C9orf43: variants seen among roughly 807,000 people sequenced by gnomAD.
C9orf43 encodes the protein chromosome 9 open reading frame 43.
Under a neutral mutation model 59.1 loss-of-function variants are expected in C9orf43, and 45 were observed. The ratio of observed to expected loss-of-function variants is 0.76; its 90% CI spans 0.60 to 0.98. The LOEUF (loss-of-function observed/expected upper bound fraction) is 0.98. Ranked by LOEUF, C9orf43 falls within the 50% of genes least tolerant of loss-of-function variation. C9orf43 has a pLI of 0.00. For synonymous variants in C9orf43, 203 were observed against 196.8 expected (o/e 1.03, Z -0.26); for missense variants, 533 against 554.9 (o/e 0.96, Z 0.40).
intron 4 of C9orf43, chr9:113,420,805 G>A (rs1828533267): frequency 3.0e-6 from 3 of 985,084 alleles, no homozygotes; most frequent in South Asian, 4.7e-5. Flanking sequence ...TAATGTTCCT[G>A]TAGGTAAGCC....
intron 4 of C9orf43, 99 bp from the exon 5 acceptor site, chr9:113,420,999 AAAATC>A: frequency 2.0e-6 from 2 of 999,578 alleles, no homozygotes; most frequent in Non-Finnish European, 1.5e-6. Context: ...TGGGAAACTT[AAAATC>A]ATCTTCTGTG....
Position 113,424,302 on chromosome 9 carries a change from C to A in C9orf43, c.793C>A (p.Arg265Ser), listed in dbSNP as rs148905915. The A allele has an allele frequency of 2.5e-6, 4 of 1,609,062 alleles. No individual in the cohort carries two copies. The highest frequency in any genetic ancestry group is 3.4e-6 in the Non-Finnish European group (4 of 1,178,510). The change falls in exon 8 of 14, where the codon CGC (arginine) becomes AGC (serine). Residue 265 changes from arginine to serine, a missense_variant. Transcript: ENST00000374165. ...ISSKMFLSIH[R>S]LTLERPALRY... Reference sequence around the variant, plus strand: ...TTCTAAGATGTTTCTATCTATACACCGCCTCACCCTGGAAGTAAGAGCTAG... The same window carrying A: ...TTCTAAGATGTTTCTATCTATACACAGCCTCACCCTGGAAGTAAGAGCTAG...
intron 4 of C9orf43, among the ~76,000 whole-genome samples, chr9:113,419,385 T>G (rs1828487507): frequency 6.6e-6 from 1 of 152,192 alleles, no homozygotes. Context: ...GGGATCTATT[T>G]GTATGGGTTT....
intron 1 of C9orf43, among the ~76,000 whole-genome samples, chr9:113,412,746 G>A (rs937998214): frequency 3.3e-5 from 5 of 152,202 alleles, no homozygotes; most frequent in African/African-American, 1.2e-4. Context: ...TTACAGACCT[G>A]AGACACCAAG....
chr9:113,423,083 G>C (rs1226317993), intron 6 of C9orf43, among the ~76,000 whole-genome samples: 1 of 152,158 alleles, frequency 6.6e-6, no homozygotes, highest in Non-Finnish European at 1.5e-5. Flanking sequence ...TGTTCAGTTT[G>C]TTGAGTGAGT....
At position 113,423,436 on chromosome 9, in the gene C9orf43, C is replaced by G. The variant is rs767704452; in HGVS notation, c.594C>G (p.Phe198Leu). Residue 198 changes from phenylalanine to leucine, a missense_variant, in exon 7 of 14, where the codon TTC becomes TTG. Coordinates refer to ENST00000374165, the MANE Select transcript of C9orf43 (RefSeq NM_001278629.2). ...CCCCAGTGCAATTGTCTGAACAATT[C>G]AGTTCAGATTTCCTACCTCTCTGGG... ...PPTPVQLSEQ[F>L]SSDFLPLWAQ... 72 of 1,613,900 alleles carry G rather than the reference C, an allele frequency of 4.5e-5. No homozygotes were observed. The highest frequency in any genetic ancestry group is 7.6e-6 in the Non-Finnish European group (9 of 1,179,906).
In C9orf43 at chr9:113,415,079, G is replaced by A. The variant is rs560429413; in HGVS notation, c.287+1185G>A. Among the ~76,000 whole-genome samples, 134 of 152,174 alleles carry A rather than the reference G, an allele frequency of 8.8e-4. 1 individual carries two copies. Among genetic ancestry groups the A allele is most frequent in the Non-Finnish European group, 7.9e-4 (54 of 67,988 alleles). On this transcript the variant is annotated intron_variant, in intron 3 of 13. Transcript: ENST00000374165. Reference sequence around the variant, plus strand: ...ACTCGTGACCTCAAGTGATCCACCCGCCTCAGCCTCCCAAAGTGCTAGAAT... The same window carrying A: ...ACTCGTGACCTCAAGTGATCCACCCACCTCAGCCTCCCAAAGTGCTAGAAT...
chr9:113,429,185 T>A lies in C9orf43; in HGVS notation c.1185T>A (p.Tyr395Ter). 1 of 1,614,118 alleles carries A rather than the reference T, an allele frequency of 6.2e-7. No individual in the cohort carries two copies. Among genetic ancestry groups the A allele is most frequent in the Non-Finnish European group, 8.5e-7 (1 of 1,179,982 alleles). The change falls in exon 14 of 14, where the codon TAT (tyrosine) becomes TAA (stop). Residue 395 changes from tyrosine to a stop codon, truncating the protein, a stop_gained. Coordinates refer to ENST00000374165, the MANE Select transcript of C9orf43 (RefSeq NM_001278629.2). LOFTEE classifies it low-confidence loss of function (END_TRUNC). The stretch of plus-strand genomic sequence containing the variant: ...ATCTTCTTTTAGGTCCTGAATTGTA[T>A]GAAACAGAACCCACTAACAAGGACA... ...FHHSVKSPEL[Y>*]ETEPTNKDIS...
At position 113,424,326 on chromosome 9, in the gene C9orf43, A is replaced by G; in HGVS notation, c.807+10A>G. On this transcript the variant is annotated intron_variant, in intron 8 of 13. Coordinates refer to ENST00000374165, the MANE Select transcript of C9orf43 (RefSeq NM_001278629.2). ...CCGCCTCACCCTGGAAGTAAGAGCT[A>G]GGAAACAGCAGGGAAGAAGCCTATG... is the stretch of plus-strand genomic sequence containing the variant. The G allele has an allele frequency of 6.3e-7, 1 of 1,596,982 alleles. No homozygotes were observed. Among genetic ancestry groups the G allele is most frequent in the Non-Finnish European group, 8.5e-7 (1 of 1,174,260 alleles).
At chr9:113,411,249 C>T (rs890718080) in intron 1 of C9orf43, 6 of 411,902 alleles carry the variant, frequency 1.5e-5, no homozygotes, top group African/African-American at 8.7e-5. Context: ...TTAAATTGTT[C>T]ATCATACATT....
Position 113,429,343 on chromosome 9 carries a change from C to A in C9orf43, c.1343C>A (p.Thr448Asn). The A allele has an allele frequency of 6.2e-7, 1 of 1,614,174 alleles. No individual in the cohort carries two copies. Among genetic ancestry groups the A allele is most frequent in the East Asian group, 2.2e-5 (1 of 44,878 alleles). The change falls in exon 14 of 14, where the codon ACT (threonine) becomes AAT (asparagine). Residue 448 changes from threonine to asparagine, a missense_variant. Coordinates refer to ENST00000374165, the MANE Select transcript of C9orf43 (RefSeq NM_001278629.2). ...AAACTACTTAGGATTCTTCAGGACA[C>A]TGATGATGAGGATGAGGAGGACCAG... is the stretch of plus-strand genomic sequence containing the variant. The part of the protein sequence containing the change: ...ELKLLRILQD[T>N]DDEDEEDQSS...
chr9:113,411,524 C>T (rs1156874502), intron 1 of C9orf43, among the ~76,000 whole-genome samples: 2 of 152,152 alleles, frequency 1.3e-5, no homozygotes, highest in African/African-American at 4.8e-5. Flanking sequence ...TGGTCTCGAT[C>T]TCCTGACCTC....
chr9:113,425,523 A>G (rs916918103), intron 10 of C9orf43, 103 bp downstream of exon 10: 3 of 1,480,790 alleles, frequency 2.0e-6, no homozygotes, highest in African/African-American at 1.4e-5. Flanking sequence ...CTATCTGGTT[A>G]TAGATAAAAA....
At chr9:113,427,523 A>G (rs1403755227) in intron 11 of C9orf43, among the ~76,000 whole-genome samples, 1 of 152,236 alleles carries the variant, frequency 6.6e-6, no homozygotes, top group Non-Finnish European at 1.5e-5. Flanking sequence ...CCAGCTATTA[A>G]GTCAGAATTT....
intron 12 of C9orf43, 95 bp from the exon 13 acceptor site, chr9:113,428,805 G>C: frequency 1.8e-6 from 2 of 1,093,246 alleles, no homozygotes; most frequent in Admixed American, 3.5e-5. Context: ...GCTCATCTTA[G>C]ATGTTAATTT....
At chr9:113,425,172 C>A in intron 9 of C9orf43, 96 bp downstream of exon 9, 1 of 1,465,830 alleles carries the variant, frequency 6.8e-7, no homozygotes, top group African/African-American at 1.4e-5. Flanking sequence ...ATATTTGTGG[C>A]CACAGTCATA....
chr9:113,421,289 T>C, intron 5 of C9orf43, 86 bp downstream of exon 5: 1 of 957,028 alleles, frequency 1.0e-6, no homozygotes, highest in South Asian at 1.4e-5. Flanking sequence ...ATCTCCCATT[T>C]AGCCAGCTCA....
intron 3 of C9orf43, among the ~76,000 whole-genome samples, chr9:113,414,630 C>G (rs1350003364): frequency 1.3e-5 from 2 of 152,212 alleles, no homozygotes; most frequent in South Asian, 4.2e-4. Flanking sequence ...GCGTCTGTGT[C>G]TTAATTTCTT....
intron 11 of C9orf43, among the ~76,000 whole-genome samples, chr9:113,427,083 G>A (rs1415716942): frequency 3.9e-5 from 6 of 152,228 alleles, no homozygotes; most frequent in African/African-American, 1.2e-4. Context: ...GCAGGGGCTT[G>A]TATGGACTGC....
Sources: gnomAD v4.1 joint callset for allele counts (sites outside exome capture counted in the v4.1 genomes callset) on GRCh38, gnomAD v4.1.1 for gene constraint, MANE v1.5 for transcripts, NCBI Gene and HGNC (gene_info 2026-07-23, HGNC 2026-07-21) for gene names.